The following PRDM9 variants were observed in gnomAD, a reference collection of about 807,000 sequenced individuals.
PRDM9 encodes the protein PR/SET domain 9, also known as histone-lysine N-methyltransferase PRDM9.
A neutral mutation model predicts 55.6 loss-of-function variants in PRDM9; 47 were observed. That is an observed-to-expected ratio of 0.85 (90% CI 0.67 to 1.08). PRDM9 has a LOEUF of 1.08. PRDM9 is among the 50% of genes least tolerant of loss of function. The pLI, the probability that PRDM9 is intolerant of heterozygous loss-of-function variation, is 0.00. For synonymous variants in PRDM9, 312 were observed against 375.7 expected, an observed-to-expected ratio of 0.83 and a Z score of 1.96; for missense variants, 867 against 1,040.3, an observed-to-expected ratio of 0.83 and a Z score of 2.29.
chr5:23,526,416 A>C lies in PRDM9; in HGVS notation c.1328A>C (p.Asp443Ala), dbSNP rs550359905. Residue 443 changes from aspartate to alanine, a missense_variant, in exon 11 of 11, where the codon GAT (aspartate) becomes GCT (alanine). By Grantham distance (126) the Asp-to-Ala change is moderately radical (BLOSUM62 -2). This residue lies in a region of PRDM9 where 662 missense variants were observed against 711.9 expected (regional missense o/e 0.93). Transcript: ENST00000296682. ...GDQNQEQQYP[D>A]PHSRNDKTKG... ...CAGAATCAGGAGCAGCAATATCCAGATCCACACAGCCGTAATGACAAAACC... is the reference window on the plus strand; with the variant it reads ...CAGAATCAGGAGCAGCAATATCCAGCTCCACACAGCCGTAATGACAAAACC... 6.2e-7 allele frequency: 1 copy of C among 1,614,236 alleles called. No homozygotes were observed. Among genetic ancestry groups the C allele is most frequent in the South Asian group, 1.1e-5 (1 of 91,084 alleles).
At position 23,526,651 on chromosome 5, in the gene PRDM9, T is replaced by C; in HGVS notation, c.1563T>C (p.Ile521=). 1 of 1,614,186 alleles carries C rather than the reference T, an allele frequency of 6.2e-7. No homozygotes were observed. Among genetic ancestry groups the C allele is most frequent in the Non-Finnish European group, 8.5e-7 (1 of 1,180,032 alleles). Residue 521 remains isoleucine, a synonymous_variant, in exon 11 of 11, where the codon ATT becomes ATC. Coordinates refer to ENST00000296682, the MANE Select transcript of PRDM9 (RefSeq NM_020227.4). ...KLFVGVGISR[I]AKVKYGECGQ... is the part of the protein sequence containing the mutation. The stretch of plus-strand genomic sequence containing the variant: ...TTGTGGGGGTAGGAATCTCAAGAAT[T>C]GCAAAAGTCAAGTATGGAGAGTGTG...
At chr5:23,509,165 C>T in intron 2 of PRDM9, 63 bp downstream of exon 2, 3 of 1,595,432 alleles carry the variant, frequency 1.9e-6, no homozygotes, top group Admixed American at 1.7e-5. Flanking sequence ...GTGCTGCAGA[C>T]TCCTGGCCTG....
intron 4 of PRDM9, among the ~76,000 whole-genome samples, chr5:23,512,345 G>A (rs1337380056): frequency 6.6e-6 from 1 of 152,034 alleles, no homozygotes; most frequent in Non-Finnish European, 1.5e-5. Context: ...CTCTTCTACT[G>A]CTTGGTTAGG....
At chr5:23,516,574 G>A (rs13165188) in intron 4 of PRDM9, among the ~76,000 whole-genome samples, 7 of 151,094 alleles carry the variant, frequency 4.6e-5, no homozygotes, top group Admixed American at 2.0e-4. Context: ...GGGTTTCACC[G>A]TGTTAGCCAG....
chr5:23,512,829 T>C (rs895136341), intron 4 of PRDM9, among the ~76,000 whole-genome samples: 21 of 152,190 alleles, frequency 1.4e-4, no homozygotes, highest in African/African-American at 5.1e-4. Flanking sequence ...TTCTATAAAT[T>C]TGATTACTTT....
intron 6 of PRDM9, 50 bp from the exon 7 acceptor site, chr5:23,522,254 A>G: frequency 2.8e-6 from 4 of 1,448,688 alleles, no homozygotes; most frequent in Non-Finnish European, 3.9e-6. Flanking sequence ...TGAAACAAGG[A>G]CAAACACCCC....
At chr5:23,524,265 G>A in intron 9 of PRDM9, 69 bp from the exon 10 acceptor site, 1 of 1,564,112 alleles carries the variant, frequency 6.4e-7, no homozygotes, top group Middle Eastern at 1.7e-4. Flanking sequence ...GCAGGTGATG[G>A]GCCATACCTG....
In PRDM9 at chr5:23,527,462, C is replaced by T. The variant is rs375785782; in HGVS notation, c.2374C>T (p.Leu792Phe). 4 of 1,594,686 alleles carry T rather than the reference C, an allele frequency of 2.5e-6. No homozygotes were observed. Among genetic ancestry groups the T allele is most frequent in the Non-Finnish European group, 3.4e-6 (4 of 1,174,474 alleles). The change falls in exon 11 of 11, where the codon CTC (leucine) becomes TTC (phenylalanine). Residue 792 changes from leucine to phenylalanine, a missense_variant. Around this residue, in one of 5 missense-constraint regions of PRDM9, gnomAD observed 92 missense variants for 185.7 expected, o/e 0.50. Transcript: ENST00000296682. The stretch of plus-strand genomic sequence containing the variant: ...GGGCTTTAGAGATAAGTCAAACCTC[C>T]TCAGTCACCAGAGGACACACACAGG... ...GRGFRDKSNLLSHQRTHTGEK... is the reference protein window; with the variant it reads ...GRGFRDKSNLFSHQRTHTGEK...
chr5:23,515,777 C>G (rs1739198356), intron 4 of PRDM9, among the ~76,000 whole-genome samples: 1 of 152,198 alleles, frequency 6.6e-6, no homozygotes, highest in Admixed American at 6.5e-5. Context: ...GTCCTTTCCT[C>G]CATTGTGTAG....
chr5:23,512,707 T>A (rs747482370), intron 4 of PRDM9, among the ~76,000 whole-genome samples: 1 of 152,196 alleles, frequency 6.6e-6, no homozygotes, highest in East Asian at 1.9e-4. Context: ...ATGCACATAG[T>A]GGTGAAATAG....
rs375895746 is a variant in PRDM9 at position 23,524,204 on chromosome 5, C to A, written c.951-130C>A. On this transcript the variant is annotated intron_variant, in intron 9 of 10. Coordinates refer to ENST00000296682, the MANE Select transcript of PRDM9 (RefSeq NM_020227.4). ...GATTTAGGAATGAGCAGAAGGTTCC[C>A]GGAGGAGTGGTGGGGGAGTGGTCAG... 5.0e-6 allele frequency: 6 copies of A among 1,209,986 alleles called. No homozygotes were observed. The African/African-American group carries it at 6.0e-5, about 12-fold the overall frequency. 75.0% of individuals were successfully genotyped at this position (1,209,986 alleles called of 1,614,324 possible). A position where few individuals can be genotyped will look rare whatever the true frequency, so the allele number is the denominator to read the frequency against.
At chr5:23,510,115 C>T (rs1173041851) in intron 4 of PRDM9, 88 bp downstream of exon 4, 125 of 1,332,824 alleles carry the variant, frequency 9.4e-5, no homozygotes, top group Non-Finnish European at 1.2e-4. Flanking sequence ...GGTGCAATGG[C>T]ATGATCTTGG....
At chr5:23,514,364 C>T (rs1360084105) in intron 4 of PRDM9, among the ~76,000 whole-genome samples, 1 of 152,160 alleles carries the variant, frequency 6.6e-6, no homozygotes, top group East Asian at 1.9e-4. Flanking sequence ...CTCCATCTCA[C>T]TGTGTATTTA....
chr5:23,524,910 A>T (rs576428080), intron 10 of PRDM9, among the ~76,000 whole-genome samples: 1 of 152,206 alleles, frequency 6.6e-6, no homozygotes, highest in East Asian at 1.9e-4. Flanking sequence ...AATTACCTCA[A>T]TTAGCTGTCA....
chr5:23,507,843 T>C (rs540781398), intron 1 of PRDM9, 131 bp downstream of exon 1: 1 of 152,138 alleles, frequency 6.6e-6, no homozygotes. Flanking sequence ...TAAAATCCCC[T>C]CAGCATGAAA....
intron 4 of PRDM9, among the ~76,000 whole-genome samples, chr5:23,515,027 G>T (rs570379497): frequency 6.6e-6 from 1 of 150,672 alleles, no homozygotes; most frequent in East Asian, 2.0e-4. Context: ...GCAATGGAGC[G>T]ATCTCAGCTC....
intron 4 of PRDM9, among the ~76,000 whole-genome samples, chr5:23,516,547 T>G (rs1739213517): frequency 6.6e-6 from 1 of 150,672 alleles, no homozygotes; most frequent in African/African-American, 2.4e-5. Flanking sequence ...TAATTGTTTG[T>G]ATTTTTAGTA....
intron 4 of PRDM9, 119 bp from the exon 5 acceptor site, chr5:23,517,761 TG>T: frequency 2.0e-6 from 2 of 1,011,606 alleles, no homozygotes; most frequent in Non-Finnish European, 3.1e-6. Context: ...CACTCCAGCC[TG>T]GGCGACAGAG....
intron 8 of PRDM9, among the ~76,000 whole-genome samples, 198 bp downstream of exon 8, chr5:23,523,083 A>G (rs1021618938): frequency 1.3e-5 from 2 of 152,220 alleles, no homozygotes; most frequent in African/African-American, 4.8e-5. Context: ...ACAAAGACAA[A>G]GAAGTGCATC....
Sources: allele counts gnomAD v4.1 joint callset (sites outside exome capture counted in the v4.1 genomes callset), GRCh38; gene constraint gnomAD v4.1.1; regional missense constraint gnomAD v4.1.1; transcripts MANE v1.5; gene names NCBI Gene and HGNC (gene_info 2026-07-23, HGNC 2026-07-21).